The following GRID1 variants were observed in gnomAD, a reference collection of about 807,000 sequenced individuals.
GRID1 encodes the protein glutamate receptor ionotropic, delta-1.
In GRID1, 28 loss-of-function variants were observed where a neutral mutation model predicts 98.0. The ratio of observed to expected loss-of-function variants is 0.29; its 90% CI spans 0.21 to 0.39. The LOEUF (loss-of-function observed/expected upper bound fraction) is 0.39, where lower values mean the gene tolerates loss of function less well. GRID1 is among the 10% of genes least tolerant of loss of function. GRID1 has a pLI of 1.00. For missense variants in GRID1, 1,111 were observed against 1,340.5 expected (o/e 0.83, Z 2.67); for synonymous variants, 553 against 538.5 (o/e 1.03, Z -0.37).
chr10:85,759,370 T>C (rs12250565), intron 8 of GRID1, among the ~76,000 whole-genome samples: 2,708 of 152,312 alleles, frequency 0.018, 85 homozygotes, highest in Admixed American at 0.074. Flanking sequence ...GGTCAGGTGC[T>C]GAATGCAGCT....
intron 4 of GRID1, among the ~76,000 whole-genome samples, chr10:86,120,549 G>C (rs1027826345): frequency 1.3e-5 from 2 of 152,088 alleles, no homozygotes; most frequent in African/African-American, 2.4e-5. Flanking sequence ...GAAAAAAAGG[G>C]TGGCATGAAA....
intron 3 of GRID1, among the ~76,000 whole-genome samples, chr10:86,173,647 C>T: frequency 6.6e-6 from 1 of 151,252 alleles, no homozygotes; most frequent in Non-Finnish European, 1.5e-5. Context: ...CATATGTATA[C>T]ATGTGCCATG....
chr10:85,660,008 T>C lies in GRID1; in HGVS notation c.1998-12611A>G, dbSNP rs375343159. The stretch of plus-strand genomic sequence containing the variant: ...AAACCAGCTCCAATTAGGGATGATG[T>C]CCATGCCATGGAATGTTTGGTTACA... On this transcript the variant is annotated intron_variant, in intron 12 of 15. Transcript: ENST00000327946. Among the ~76,000 whole-genome samples the C allele has an allele frequency of 5.9e-5, 9 of 152,356 alleles. No individual in the cohort carries two copies. The East Asian group carries it at 1.5e-3, about 26-fold the overall frequency.
Position 86,362,963 on chromosome 10 carries a change from G to A in GRID1, c.235+978C>T, listed in dbSNP as rs535158311. 2.0e-4 allele frequency among the ~76,000 whole-genome samples: 31 copies of A among 152,386 alleles called. No homozygotes were observed. In the East Asian group the frequency reaches 5.8e-3, roughly 28 times the overall value. On this transcript the variant is annotated intron_variant, in intron 2 of 15. Coordinates refer to ENST00000327946, the MANE Select transcript of GRID1 (RefSeq NM_017551.3). ...TGCGCCACTAACTTGCCCCAGCACT[G>A]AGGGGCGCTGGCCCCAGAGTCCCCA...
chr10:85,738,849 G>A (rs903225232), intron 8 of GRID1, among the ~76,000 whole-genome samples: 1 of 152,184 alleles, frequency 6.6e-6, no homozygotes, highest in Non-Finnish European at 1.5e-5. Context: ...GGGGATGGGA[G>A]AAGGGTATCA....
chr10:86,246,064 G>T (rs545181463), intron 2 of GRID1, among the ~76,000 whole-genome samples: 1 of 152,390 alleles, frequency 6.6e-6, no homozygotes, highest in African/African-American at 2.4e-5. Context: ...CCAGGGTCAG[G>T]GAAAAACACA....
At chr10:86,316,121 A>G (rs775979858) in intron 2 of GRID1, among the ~76,000 whole-genome samples, 6 of 152,242 alleles carry the variant, frequency 3.9e-5, no homozygotes, top group Non-Finnish European at 5.9e-5. Context: ...CTGGTCACAG[A>G]CAGCACAGCA....
chr10:86,007,854 T>A (rs1589334252), intron 4 of GRID1, among the ~76,000 whole-genome samples: 1 of 131,802 alleles, frequency 7.6e-6, no homozygotes, highest in Admixed American at 7.4e-5. Flanking sequence ...TTATTTATTT[T>A]TGGTTAGGGG....
chr10:85,951,480 C>A (rs554492511), intron 4 of GRID1, among the ~76,000 whole-genome samples: 3 of 152,200 alleles, frequency 2.0e-5, no homozygotes, highest in South Asian at 2.1e-4. Context: ...CACATACAAC[C>A]AAAACACACT....
chr10:86,113,087 G>A (rs1844513739), intron 4 of GRID1, among the ~76,000 whole-genome samples: 1 of 152,132 alleles, frequency 6.6e-6, no homozygotes. Flanking sequence ...TTACTCATCT[G>A]ATGCATGCAA....
intron 4 of GRID1, among the ~76,000 whole-genome samples, chr10:86,130,238 AG>A (rs1844815130): frequency 6.6e-6 from 1 of 152,190 alleles, no homozygotes; most frequent in African/African-American, 2.4e-5. Context: ...CTTCTCTCCA[AG>A]GGGACTGGCA....
chr10:85,890,202 GA>G (rs1482138453), intron 5 of GRID1, among the ~76,000 whole-genome samples: 2 of 151,892 alleles, frequency 1.3e-5, no homozygotes, highest in African/African-American at 4.8e-5. Context: ...GATGTTAGGA[GA>G]AATAAATTCT....
intron 3 of GRID1, among the ~76,000 whole-genome samples, chr10:86,154,901 C>T (rs565681524): frequency 3.7e-4 from 56 of 152,254 alleles, no homozygotes; most frequent in African/African-American, 1.3e-3. Context: ...ACACACTCCC[C>T]GTCTCATTTA....
At chr10:85,923,767 ATC>A (rs1841738684) in intron 4 of GRID1, among the ~76,000 whole-genome samples, 1 of 152,222 alleles carries the variant, frequency 6.6e-6, no homozygotes, top group African/African-American at 2.4e-5. Flanking sequence ...ACGAAACTCA[ATC>A]TCTGCATGTT....
At chr10:86,246,574 C>T (rs1472181963) in intron 2 of GRID1, among the ~76,000 whole-genome samples, 4 of 152,186 alleles carry the variant, frequency 2.6e-5, no homozygotes, top group Admixed American at 2.0e-4. Context: ...CCCTTGCTGG[C>T]ATTCCCTACC....
intron 4 of GRID1, among the ~76,000 whole-genome samples, chr10:85,971,816 A>ATAATCCTGCAATCCCATTTCTAG (rs1444896829): frequency 2.6e-5 from 4 of 152,148 alleles, no homozygotes; most frequent in Admixed American, 1.3e-4. Flanking sequence ...CATCTACTTT[A>ATAATCCTGCAATCCCATTTCTAG]TAATCCTGCA....
At chr10:85,960,796 A>T (rs938466929) in intron 4 of GRID1, among the ~76,000 whole-genome samples, 2 of 152,218 alleles carry the variant, frequency 1.3e-5, no homozygotes, top group Non-Finnish European at 2.9e-5. Context: ...GAATTGGAGC[A>T]CTGCATTCCA....
chr10:86,273,017 T>C (rs1274427710), intron 2 of GRID1, among the ~76,000 whole-genome samples: 1 of 152,144 alleles, frequency 6.6e-6, no homozygotes, highest in Non-Finnish European at 1.5e-5. Context: ...ACCCATTAAC[T>C]CAACATTTAG....
rs779834381 is a variant in GRID1, at chr10:85,727,885, C to T, written c.1503G>A (p.Trp501Ter). 1 of 1,613,832 alleles carries T rather than the reference C, an allele frequency of 6.2e-7. No homozygotes were observed. Among genetic ancestry groups the T allele is most frequent in the Admixed American group, 1.7e-5 (1 of 60,014 alleles). Residue 501 changes from tryptophan to a stop codon, truncating the protein, a stop_gained, in exon 10 of 16, where the codon TGG becomes TGA. Transcript: ENST00000327946. LOFTEE classifies it high-confidence loss of function. ...RYGHQLHNTS[W>*]NGMIGELISK... ...TGATGAGCTCCCCGATCATCCCGTT[C>T]CAGGAGGTGTTATGGAGCTGGTGAC...
Sources: allele counts gnomAD v4.1 joint callset (sites outside exome capture counted in the v4.1 genomes callset), GRCh38; gene constraint gnomAD v4.1.1; transcripts MANE v1.5; gene names NCBI Gene and HGNC (gene_info 2026-07-23, HGNC 2026-07-21).